TSC22D1: variants seen among roughly 807,000 people sequenced by gnomAD.
TSC22D1 encodes TSC22 domain family protein 1.
Under a neutral mutation model 74.2 loss-of-function variants are expected in TSC22D1, and 9 were observed. The observed-to-expected ratio is 0.12, with a 90% CI of 0.07 to 0.21. TSC22D1 has a LOEUF of 0.21. TSC22D1 is among the 10% of genes least tolerant of loss of function. The pLI is 1.00. For missense variants in TSC22D1, 1,427 were observed against 1,304.7 expected (o/e 1.09, Z -1.44); for synonymous variants, 586 against 492.5 (o/e 1.19, Z -2.51).
rs1160142015 is a variant in TSC22D1, at chr13:44,517,811, ATGTGTGTG to A, written c.2912+55344_2912+55351del. ...TATACATATATATACACACATATAT[ATGTGTGTG>A]TGTGTGTGTGTATATATATATATAT... is the stretch of plus-strand genomic sequence containing the variant. On this transcript the variant is annotated intron_variant, in intron 1 of 2. Coordinates refer to ENST00000458659, the MANE Select transcript of TSC22D1 (RefSeq NM_183422.4). Among the ~76,000 whole-genome samples, 163 of 55,112 alleles carry A rather than the reference ATGTGTGTG, an allele frequency of 3.0e-3. 1 individual carries two copies. The highest frequency in any genetic ancestry group is 0.011 in the African/African-American group (151 of 14,320). 36.2% of individuals were successfully genotyped at this position (55,112 alleles called of 152,430 possible).
chr13:44,491,656 A>T (rs926951494), intron 1 of TSC22D1, among the ~76,000 whole-genome samples: 1 of 152,224 alleles, frequency 6.6e-6, no homozygotes, highest in Admixed American at 6.5e-5. Context: ...AAATTGAGAA[A>T]ATGAATTTAC....
intron 1 of TSC22D1, among the ~76,000 whole-genome samples, chr13:44,455,512 C>A (rs1876512022): frequency 6.6e-6 from 1 of 152,154 alleles, no homozygotes; most frequent in African/African-American, 2.4e-5. Flanking sequence ...GTATTACATG[C>A]CACTTTATAT....
intron 1 of TSC22D1, chr13:44,538,563 T>G: frequency 2.0e-6 from 2 of 985,416 alleles, no homozygotes; most frequent in Non-Finnish European, 2.4e-6. Flanking sequence ...GAAAGGAGTC[T>G]CTCAAGCTTC....
intron 1 of TSC22D1, among the ~76,000 whole-genome samples, chr13:44,486,944 T>C (rs1256273780): frequency 6.6e-6 from 1 of 152,116 alleles, no homozygotes; most frequent in Non-Finnish European, 1.5e-5. Flanking sequence ...GAAGGAATTG[T>C]ATAGCTTAAA....
chr13:44,444,500 T>C (rs965710382), intron 1 of TSC22D1, among the ~76,000 whole-genome samples: 1 of 151,776 alleles, frequency 6.6e-6, no homozygotes, highest in Admixed American at 6.6e-5. Flanking sequence ...AGATATTCCA[T>C]GTTAACAATA....
At chr13:44,532,904 C>G (rs79260818) in intron 1 of TSC22D1, among the ~76,000 whole-genome samples, 2,539 of 152,152 alleles carry the variant, frequency 0.017, 60 homozygotes, top group African/African-American at 0.057. Context: ...AAGGCTGTCA[C>G]ATTTGAAAGG....
intron 1 of TSC22D1, among the ~76,000 whole-genome samples, chr13:44,450,346 A>G (rs1876023194): frequency 6.6e-6 from 1 of 152,222 alleles, no homozygotes; most frequent in African/African-American, 2.4e-5. Context: ...CTGGGGCCTC[A>G]CAGGCCATGT....
chr13:44,555,071 G>A (rs1882539644), intron 1 of TSC22D1, among the ~76,000 whole-genome samples: 1 of 150,256 alleles, frequency 6.7e-6, no homozygotes, highest in Non-Finnish European at 1.5e-5. Flanking sequence ...AGATCCCTAA[G>A]GGCTAAGAGT....
intron 1 of TSC22D1, among the ~76,000 whole-genome samples, chr13:44,478,901 G>T (rs186731736): frequency 4.9e-4 from 74 of 152,128 alleles, no homozygotes; most frequent in Admixed American, 9.2e-4. Context: ...GGTAGTGTGT[G>T]TGTGTGTGTG....
chr13:44,434,515 C>G lies in TSC22D1; in HGVS notation c.*111G>C. ...AATGGCATATGTCAGTCTCACGTCT[C>G]TTTCGCAGCGAGCAATGAAATGGGT... On this transcript the variant is annotated 3_prime_UTR_variant, in exon 3 of 3. Transcript: ENST00000458659. The G allele has an allele frequency of 2.1e-6, 3 of 1,456,964 alleles. No homozygotes were observed. The highest frequency in any genetic ancestry group is 2.7e-6 in the Non-Finnish European group (3 of 1,108,988). 90.3% of individuals were successfully genotyped at this position (1,456,964 alleles called of 1,614,324 possible).
At chr13:44,467,101 G>A (rs1378314379) in intron 1 of TSC22D1, among the ~76,000 whole-genome samples, 1 of 152,052 alleles carries the variant, frequency 6.6e-6, no homozygotes, top group East Asian at 1.9e-4. Flanking sequence ...GGTGGAGGTT[G>A]CAGTCAGCCA....
At chr13:44,517,409 CAGTA>C (rs1365817795) in intron 1 of TSC22D1, among the ~76,000 whole-genome samples, 1 of 151,572 alleles carries the variant, frequency 6.6e-6, no homozygotes, top group East Asian at 1.9e-4. Context: ...AAAAAATAAA[CAGTA>C]AGCATAAATT....
intron 1 of TSC22D1, among the ~76,000 whole-genome samples, chr13:44,455,622 A>G (rs1216659993): frequency 2.6e-5 from 4 of 152,262 alleles, no homozygotes; most frequent in Non-Finnish European, 5.9e-5. Context: ...CCTCCTGTAG[A>G]ATCATCTGTC....
intron 1 of TSC22D1, among the ~76,000 whole-genome samples, chr13:44,496,642 G>A (rs968551029): frequency 6.6e-6 from 1 of 152,002 alleles, no homozygotes; most frequent in Non-Finnish European, 1.5e-5. Context: ...CCAAGATCAC[G>A]CCATTGCATT....
At chr13:44,478,395 A>G (rs2137925753) in intron 1 of TSC22D1, among the ~76,000 whole-genome samples, 1 of 152,330 alleles carries the variant, frequency 6.6e-6, no homozygotes, top group South Asian at 2.1e-4. Context: ...TTATAGGCAG[A>G]AAAACTGAGA....
chr13:44,569,272 G>T (rs1238073127), intron 1 of TSC22D1, among the ~76,000 whole-genome samples: 1 of 152,050 alleles, frequency 6.6e-6, no homozygotes, highest in African/African-American at 2.4e-5. Context: ...ATCAAATCTA[G>T]GCAATCTAAC....
At chr13:44,519,718 A>G (rs1880218094) in intron 1 of TSC22D1, among the ~76,000 whole-genome samples, 1 of 152,184 alleles carries the variant, frequency 6.6e-6, no homozygotes. Flanking sequence ...CAAATTCTGG[A>G]GAATGAATTT....
chr13:44,569,625 C>T (rs1044853130), intron 1 of TSC22D1, among the ~76,000 whole-genome samples: 3 of 152,182 alleles, frequency 2.0e-5, no homozygotes, highest in Non-Finnish European at 2.9e-5. Context: ...AGGTAACACA[C>T]ATGCGTCTTA....
At chr13:44,526,845 AACATG>A (rs1341528298) in intron 1 of TSC22D1, among the ~76,000 whole-genome samples, 1 of 151,784 alleles carries the variant, frequency 6.6e-6, no homozygotes, top group Non-Finnish European at 1.5e-5. Context: ...AAGTTTGGAG[AACATG>A]ACATAAGATA....
Sources: allele counts gnomAD v4.1 joint callset (sites outside exome capture counted in the v4.1 genomes callset), GRCh38; gene constraint gnomAD v4.1.1; transcripts MANE v1.5; gene names NCBI Gene and HGNC (gene_info 2026-07-23, HGNC 2026-07-21).